The following GRID2 variants were observed in gnomAD, a reference collection of about 807,000 sequenced individuals.
GRID2 encodes glutamate receptor ionotropic, delta-2.
GRID2 carries 33 observed loss-of-function variants against 114.8 expected under a neutral mutation model. That is an observed-to-expected ratio of 0.29 (90% CI 0.22 to 0.38). The LOEUF (loss-of-function observed/expected upper bound fraction) is 0.38, where lower values mean the gene tolerates loss of function less well. Ranked by LOEUF, GRID2 falls within the 10% of genes least tolerant of loss-of-function variation. GRID2 has a pLI of 1.00. For synonymous variants in GRID2, 505 were observed against 449.9 expected (o/e 1.12, Z -1.55); for missense variants, 1,184 against 1,257.7 (o/e 0.94, Z 0.89).
chr4:93,078,463 C>A (rs1369481170), intron 2 of GRID2, among the ~76,000 whole-genome samples: 1 of 151,124 alleles, frequency 6.6e-6, no homozygotes, highest in Non-Finnish European at 1.5e-5. Context: ...CTGGTACTTG[C>A]CTGATATAGA....
intron 1 of GRID2, among the ~76,000 whole-genome samples, chr4:92,551,234 G>T (rs561458426): frequency 6.2e-4 from 93 of 150,060 alleles, no homozygotes; most frequent in African/African-American, 2.1e-3. Flanking sequence ...TTCTTTGAAG[G>T]GAAATATATA....
chr4:92,869,920 G>A (rs1320783020), intron 2 of GRID2, among the ~76,000 whole-genome samples: 1 of 152,130 alleles, frequency 6.6e-6, no homozygotes, highest in Admixed American at 6.6e-5. Flanking sequence ...TAAGTTGGGT[G>A]CAGTGGCCCA....
At chr4:92,526,465 T>C (rs1424053871) in intron 1 of GRID2, among the ~76,000 whole-genome samples, 1 of 152,042 alleles carries the variant, frequency 6.6e-6, no homozygotes, top group African/African-American at 2.4e-5. Context: ...TGCCTCAGTC[T>C]CCCAAGTAGC....
At chr4:92,947,992 A>T (rs1482283421) in intron 2 of GRID2, among the ~76,000 whole-genome samples, 1 of 152,008 alleles carries the variant, frequency 6.6e-6, no homozygotes, top group Middle Eastern at 3.4e-3. Flanking sequence ...TGTCATATGA[A>T]GGTGGCACAA....
At chr4:92,499,830 G>T (rs916670849) in intron 1 of GRID2, among the ~76,000 whole-genome samples, 9 of 152,182 alleles carry the variant, frequency 5.9e-5, no homozygotes, top group Non-Finnish European at 1.3e-4. Flanking sequence ...GGCCAGGTTG[G>T]TCTTGAACTC....
intron 2 of GRID2, among the ~76,000 whole-genome samples, chr4:92,642,285 C>T (rs972567290): frequency 8.6e-5 from 13 of 151,804 alleles, no homozygotes; most frequent in Admixed American, 2.6e-4. Flanking sequence ...ATTCAGCTTT[C>T]TCCACACCCT....
chr4:93,458,531 A>G (rs574703121), intron 11 of GRID2, among the ~76,000 whole-genome samples: 13 of 152,306 alleles, frequency 8.5e-5, no homozygotes, highest in African/African-American at 2.9e-4. Context: ...CATCCCAATT[A>G]AAGAATTTTA....
At chr4:92,499,673 C>T (rs1172674122) in intron 1 of GRID2, among the ~76,000 whole-genome samples, 2 of 152,136 alleles carry the variant, frequency 1.3e-5, no homozygotes, top group Non-Finnish European at 2.9e-5. Context: ...AGTGCAATGG[C>T]GTGATCTTGG....
chr4:92,544,883 G>A (rs1726164151), intron 1 of GRID2, among the ~76,000 whole-genome samples: 2 of 151,916 alleles, frequency 1.3e-5, no homozygotes, highest in Admixed American at 6.6e-5. Context: ...AAATCATGCC[G>A]CATTCTTATG....
chr4:92,920,677 C>T (rs953175826), intron 2 of GRID2, among the ~76,000 whole-genome samples: 1 of 152,146 alleles, frequency 6.6e-6, no homozygotes, highest in Non-Finnish European at 1.5e-5. Context: ...ATATTGGCCC[C>T]CACTCTCTTC....
intron 1 of GRID2, among the ~76,000 whole-genome samples, chr4:92,343,252 CTCAAA>C (rs769430725): frequency 6.0e-5 from 9 of 150,866 alleles, no homozygotes; most frequent in African/African-American, 9.7e-5. Flanking sequence ...AAAAAAAAAG[CTCAAA>C]TCAAATCAAC....
At chr4:93,324,133 A>C (rs945444394) in intron 8 of GRID2, among the ~76,000 whole-genome samples, 2 of 152,150 alleles carry the variant, frequency 1.3e-5, no homozygotes, top group Non-Finnish European at 2.9e-5. Flanking sequence ...GCCAGTTTTC[A>C]AAGAGAGTGC....
intron 8 of GRID2, among the ~76,000 whole-genome samples, chr4:93,274,455 A>G (rs948650071): frequency 1.3e-5 from 2 of 152,268 alleles, no homozygotes; most frequent in African/African-American, 4.8e-5. Flanking sequence ...AAGAATTACT[A>G]GCAGATTTAA....
At chr4:93,069,184 A>G (rs999437381) in intron 2 of GRID2, among the ~76,000 whole-genome samples, 1 of 151,900 alleles carries the variant, frequency 6.6e-6, no homozygotes, top group African/African-American at 2.4e-5. Flanking sequence ...ACATTTCAAC[A>G]TTAGTTTTGG....
chr4:92,881,810 AAT>A (rs1458488853), intron 2 of GRID2, among the ~76,000 whole-genome samples: 2 of 152,204 alleles, frequency 1.3e-5, no homozygotes, highest in African/African-American at 4.8e-5. Context: ...TGTTTTATGA[AAT>A]ATATGTTTTG....
At chr4:92,413,946 T>TA (rs1180794823) in intron 1 of GRID2, among the ~76,000 whole-genome samples, 1 of 152,002 alleles carries the variant, frequency 6.6e-6, no homozygotes, top group Non-Finnish European at 1.5e-5. Context: ...AGGAACAACT[T>TA]AAAGAATATT....
chr4:92,426,725 A>G (rs1163915430), intron 1 of GRID2, among the ~76,000 whole-genome samples: 1 of 152,162 alleles, frequency 6.6e-6, no homozygotes, highest in South Asian at 2.1e-4. Flanking sequence ...AAATTATCAC[A>G]TACATTTTTT....
intron 2 of GRID2, among the ~76,000 whole-genome samples, chr4:92,614,671 G>T (rs1266488293): frequency 6.6e-6 from 1 of 151,582 alleles, no homozygotes; most frequent in Admixed American, 6.6e-5. Flanking sequence ...GATAGAATGT[G>T]TATTTGCTAT....
chr4:92,523,294 T>C lies in GRID2; in HGVS notation c.89-66837T>C, dbSNP rs529391808. Among the ~76,000 whole-genome samples, 4 of 152,046 alleles carry C rather than the reference T, an allele frequency of 2.6e-5. No homozygotes were observed. In the East Asian group the frequency reaches 7.8e-4, roughly 30 times the overall value. ...ATTTAGGTGGAAGATATTTTTGACT[T>C]GTTTCAATTTCAGCTCATATGGAAT... On this transcript the variant is annotated intron_variant, in intron 1 of 15. Transcript: ENST00000282020.
Sources: gnomAD v4.1 joint callset for allele counts (sites outside exome capture counted in the v4.1 genomes callset) on GRCh38, gnomAD v4.1.1 for gene constraint, MANE v1.5 for transcripts, NCBI Gene and HGNC (gene_info 2026-07-23, HGNC 2026-07-21) for gene names.